The following KIF20B variants were observed in gnomAD, a reference collection of about 807,000 sequenced individuals.
KIF20B encodes the protein kinesin family member 20B.
KIF20B carries 188 observed loss-of-function variants against 232.5 expected under a neutral mutation model. That is an observed-to-expected ratio of 0.81 (90% confidence interval 0.72 to 0.91). KIF20B has a LOEUF of 0.91. Among genes scored for constraint, KIF20B ranks in the 40% least tolerant of loss-of-function variants. The probability of loss-of-function intolerance (pLI) is 0.00; values close to 1 mark genes in which losing one functional copy is unlikely to be tolerated. For missense variants in KIF20B, 2,154 were observed against 2,055.9 expected (o/e 1.05, Z -0.92); for synonymous variants, 712 against 683.0 (o/e 1.04, Z -0.66).
chr10:89,723,764 A>G (rs1384362985), intron 13 of KIF20B, 200 bp from the exon 14 acceptor site: 1 of 418,058 alleles, frequency 2.4e-6, no homozygotes, highest in Non-Finnish European at 3.8e-6. Context: ...CTATTTCTAA[A>G]ATGTGGAAAG....
chr10:89,771,313 A>G (rs1421800850), intron 31 of KIF20B, among the ~76,000 whole-genome samples: 1 of 152,102 alleles, frequency 6.6e-6, no homozygotes, highest in Non-Finnish European at 1.5e-5. Context: ...TGCACGGACA[A>G]AATGTCTGTC....
chr10:89,744,077 AG>A (rs1841861611), intron 22 of KIF20B, 150 bp downstream of exon 22: 4 of 606,978 alleles, frequency 6.6e-6, no homozygotes, highest in Non-Finnish European at 1.1e-5. Context: ...TAGGCAAAAA[AG>A]AAAAAAAAAA....
chr10:89,721,893 A>G (rs767015712), intron 13 of KIF20B, among the ~76,000 whole-genome samples: 20 of 152,152 alleles, frequency 1.3e-4, no homozygotes, highest in Non-Finnish European at 1.0e-4. Flanking sequence ...AAAAATCAAT[A>G]TGATTAGGTG....
rs896188996 is a variant in KIF20B at position 89,771,307 on chromosome 10, C to A, written c.5243-1382C>A. Among the ~76,000 whole-genome samples the A allele has an allele frequency of 6.6e-4, 101 of 151,940 alleles. 1 individual carries two copies. In the East Asian group the frequency reaches 0.019, roughly 28 times the overall value. On this transcript the variant is annotated intron_variant, in intron 31 of 32. Transcript: ENST00000371728. The stretch of plus-strand genomic sequence containing the variant: ...CTTTTACACTAGAATATAATCTGCA[C>A]GGACAAAATGTCTGTCTAGTTCATA...
intron 6 of KIF20B, among the ~76,000 whole-genome samples, chr10:89,711,495 TAA>T (rs1842836819): frequency 1.3e-5 from 2 of 152,120 alleles, no homozygotes; most frequent in Non-Finnish European, 2.9e-5. Flanking sequence ...AAGTAAAAAG[TAA>T]AAGTTTCCTT....
At chr10:89,768,450 A>G in intron 30 of KIF20B, 59 bp downstream of exon 30, 3 of 1,014,838 alleles carry the variant, frequency 3.0e-6, no homozygotes, top group South Asian at 2.9e-5. Flanking sequence ...GTTGTGTTCA[A>G]TTATAACTCA....
At chr10:89,731,061 G>T (rs1442029642) in intron 18 of KIF20B, among the ~76,000 whole-genome samples, 1 of 152,164 alleles carries the variant, frequency 6.6e-6, no homozygotes, top group South Asian at 2.1e-4. Flanking sequence ...TAAATTAATT[G>T]CTGGGCCTCC....
chr10:89,733,776 A>T (rs1469549875), intron 19 of KIF20B, among the ~76,000 whole-genome samples: 3 of 152,196 alleles, frequency 2.0e-5, no homozygotes, highest in Non-Finnish European at 4.4e-5. Flanking sequence ...GGACAGTGTA[A>T]ATTATACATA....
rs1446391403 is a variant in KIF20B, at chr10:89,751,403, A to T, written c.4154A>T (p.Glu1385Val). 1 of 1,609,102 alleles carries T rather than the reference A, an allele frequency of 6.2e-7. No homozygotes were observed. Among genetic ancestry groups the T allele is most frequent in the Non-Finnish European group, 8.5e-7 (1 of 1,177,648 alleles). ...ATGCGAATGACACTAGAAGAACAGGAACAAACTCAGGTAGAACAGGATCAA... is the reference window on the plus strand; with the variant it reads ...ATGCGAATGACACTAGAAGAACAGGTACAAACTCAGGTAGAACAGGATCAA... ...EDMRMTLEEQ[E>V]QTQVEQDQVL... Residue 1385 changes from glutamate (E) to valine (V), a missense_variant, in exon 24 of 33, where the codon GAA becomes GTA. Glu to Val is a moderately radical substitution (Grantham distance 121). Transcript: ENST00000371728.
intron 25 of KIF20B, 45 bp downstream of exon 25, chr10:89,752,736 A>G: frequency 7.4e-7 from 1 of 1,345,066 alleles, no homozygotes; most frequent in Non-Finnish European, 9.9e-7. Flanking sequence ...ATCTGTCTTC[A>G]TTATATTTCT....
intron 26 of KIF20B, 134 bp downstream of exon 26, chr10:89,754,807 A>G: frequency 1.8e-6 from 1 of 554,246 alleles, no homozygotes; most frequent in Non-Finnish European, 3.0e-6. Flanking sequence ...TTTATAAGAT[A>G]ACTTCTGAGC....
At chr10:89,737,280 A>C in intron 19 of KIF20B, 107 bp from the exon 20 acceptor site, 2 of 1,132,396 alleles carry the variant, frequency 1.8e-6, no homozygotes, top group Non-Finnish European at 2.3e-6. Context: ...TTTTTTAATT[A>C]GAAGTTTACT....
intron 6 of KIF20B, among the ~76,000 whole-genome samples, chr10:89,713,440 A>T (rs1256507481): frequency 1.4e-5 from 1 of 73,512 alleles, no homozygotes; most frequent in Non-Finnish European, 2.5e-5. Flanking sequence ...TAAAATGTTA[A>T]AAAAAAATGA....
chr10:89,771,441 G>T (rs1336267301), intron 31 of KIF20B, among the ~76,000 whole-genome samples: 1 of 151,934 alleles, frequency 6.6e-6, no homozygotes. Flanking sequence ...TGTACCATAG[G>T]CAATTACAAA....
Position 89,719,472 on chromosome 10 carries a change from C to A in KIF20B, c.1488C>A (p.Val496=). The change falls in exon 13 of 33, where the codon GTC becomes GTA. Residue 496 remains valine (V), a synonymous_variant. Coordinates refer to ENST00000371728, the MANE Select transcript of KIF20B (RefSeq NM_001284259.2). The part of the protein sequence containing the change: ...NSSQEKLFGP[V]KSSQDVSLDS... Reference sequence around the variant, plus strand: ...CTCAAGAGAAATTATTTGGACCTGTCAAATCTTCTCAAGATGTATCACTAG... The same window carrying A: ...CTCAAGAGAAATTATTTGGACCTGTAAAATCTTCTCAAGATGTATCACTAG... 2 of 1,604,536 alleles carry A rather than the reference C, an allele frequency of 1.2e-6. No homozygotes were observed. The highest frequency in any genetic ancestry group is 2.2e-5 in the South Asian group (2 of 89,488).
intron 21 of KIF20B, among the ~76,000 whole-genome samples, chr10:89,739,660 C>CTTTT (rs200053232): frequency 4.5e-4 from 63 of 139,746 alleles, no homozygotes; most frequent in East Asian, 2.0e-3. Flanking sequence ...GATTGGAGCA[C>CTTTT]TTTTTTTTTT....
chr10:89,771,125 C>T (rs1842453021), intron 31 of KIF20B, among the ~76,000 whole-genome samples: 2 of 152,058 alleles, frequency 1.3e-5, no homozygotes, highest in South Asian at 4.1e-4. Flanking sequence ...GGCCCCTTAC[C>T]CTTGAGCCCT....
intron 2 of KIF20B, 37 bp downstream of exon 2, chr10:89,705,478 C>G (rs746178195): frequency 6.3e-7 from 1 of 1,593,400 alleles, no homozygotes; most frequent in South Asian, 1.1e-5. Flanking sequence ...ATTATCATGC[C>G]TCCTTCTAAT....
intron 6 of KIF20B, among the ~76,000 whole-genome samples, chr10:89,712,479 T>C (rs1176880337): frequency 6.6e-6 from 1 of 152,152 alleles, no homozygotes; most frequent in Non-Finnish European, 1.5e-5. Context: ...GGACTTGAAC[T>C]CTTGGCCTCA....
Sources: allele counts gnomAD v4.1 joint callset (sites outside exome capture counted in the v4.1 genomes callset), GRCh38; gene constraint gnomAD v4.1.1; transcripts MANE v1.5; gene names NCBI Gene and HGNC (gene_info 2026-07-23, HGNC 2026-07-21).